SCFD1: variants seen among roughly 807,000 people sequenced by gnomAD.
The protein encoded by SCFD1 is sec1 family domain-containing protein 1.
SCFD1 carries 37 observed loss-of-function variants against 103.2 expected under a neutral mutation model. The observed-to-expected ratio is 0.36, with a 90% CI of 0.28 to 0.47. The LOEUF (loss-of-function observed/expected upper bound fraction) is 0.47, where lower values mean the gene tolerates loss of function less well. Among genes scored for constraint, SCFD1 ranks in the 20% least tolerant of loss-of-function variants. SCFD1 has a pLI of 1.00. For missense variants in SCFD1, 639 were observed against 761.2 expected (o/e 0.84, Z 1.89); for synonymous variants, 264 against 245.0 (o/e 1.08, Z -0.73).
At chr14:30,690,354 TG>T (rs1890164901) in intron 14 of SCFD1, among the ~76,000 whole-genome samples, 1 of 77,550 alleles carries the variant, frequency 1.3e-5, no homozygotes, top group Non-Finnish European at 2.1e-5. Context: ...TCGAGCTTCC[TG>T]GCTGCTTTGT....
At chr14:30,684,411 A>G (rs553795931) in intron 14 of SCFD1, among the ~76,000 whole-genome samples, 1 of 152,358 alleles carries the variant, frequency 6.6e-6, no homozygotes, top group South Asian at 2.1e-4. Flanking sequence ...CCTGTGGGCT[A>G]TAGCCAGTCA....
intron 3 of SCFD1, among the ~76,000 whole-genome samples, chr14:30,632,024 G>GGCAGCAGA (rs1224514250): frequency 2.2e-5 from 3 of 137,260 alleles, no homozygotes; most frequent in Admixed American, 7.7e-5. Flanking sequence ...CTCTGGCCTG[G>GGCAGCAGA]GCAGCAGAGC....
chr14:30,664,008 C>T (rs1242025031), intron 10 of SCFD1, among the ~76,000 whole-genome samples: 1 of 152,186 alleles, frequency 6.6e-6, no homozygotes, highest in African/African-American at 2.4e-5. Flanking sequence ...TGTCTGACAG[C>T]TCTGAAGAGA....
chr14:30,626,039 T>G (rs1883404867), intron 1 of SCFD1, among the ~76,000 whole-genome samples: 1 of 152,074 alleles, frequency 6.6e-6, no homozygotes, highest in Non-Finnish European at 1.5e-5. Flanking sequence ...GGTGTCTTTA[T>G]TGCCTGGAGG....
At chr14:30,718,616 AAAT>A (rs1318592803) in intron 20 of SCFD1, among the ~76,000 whole-genome samples, 1 of 152,234 alleles carries the variant, frequency 6.6e-6, no homozygotes, top group African/African-American at 2.4e-5. Flanking sequence ...TAGACCTGAT[AAAT>A]AATCTTGATT....
intron 2 of SCFD1, 144 bp from the exon 3 acceptor site, chr14:30,630,330 GATA>G (rs1439778438): frequency 9.3e-6 from 6 of 645,286 alleles, no homozygotes; most frequent in Admixed American, 2.8e-5. Flanking sequence ...GTTGTTCACT[GATA>G]ATGATGGAAA....
chr14:30,661,582 T>C (rs1010461566), intron 10 of SCFD1, among the ~76,000 whole-genome samples: 1 of 152,138 alleles, frequency 6.6e-6, no homozygotes, highest in Non-Finnish European at 1.5e-5. Context: ...TCCATGCTCT[T>C]TGAGGGTAGG....
intron 23 of SCFD1, among the ~76,000 whole-genome samples, chr14:30,731,367 G>GT (rs1893451077): frequency 6.6e-6 from 1 of 152,166 alleles, no homozygotes; most frequent in Non-Finnish European, 1.5e-5. Context: ...CTTTAAAGTA[G>GT]TTTTTTCCAA....
intron 3 of SCFD1, among the ~76,000 whole-genome samples, chr14:30,632,324 A>T (rs755204687): frequency 6.6e-6 from 1 of 152,150 alleles, no homozygotes; most frequent in African/African-American, 2.4e-5. Flanking sequence ...GCATTTGTTA[A>T]TAGACTGTTA....
intron 14 of SCFD1, among the ~76,000 whole-genome samples, chr14:30,677,827 CTTTTTTTTTTTTTTTTT>C (rs58942207): frequency 4.4e-5 from 3 of 67,516 alleles, no homozygotes; most frequent in Admixed American, 1.5e-4. Flanking sequence ...ACCTAAGCAC[CTTTTTTTTTTTTTTTTT>C]TTTTTTTTTT....
chr14:30,660,651 T>G (rs1887364411), intron 10 of SCFD1, among the ~76,000 whole-genome samples: 1 of 152,138 alleles, frequency 6.6e-6, no homozygotes, highest in Non-Finnish European at 1.5e-5. Context: ...TTAGGACAAA[T>G]GCTTGTCTTC....
At chr14:30,720,523 C>T (rs1013452575) in intron 21 of SCFD1, among the ~76,000 whole-genome samples, 2 of 152,142 alleles carry the variant, frequency 1.3e-5, no homozygotes, top group Admixed American at 6.6e-5. Context: ...GTGGGTTCCT[C>T]ATCCATGGGT....
At chr14:30,717,766 C>G (rs530471428) in intron 20 of SCFD1, among the ~76,000 whole-genome samples, 49 of 151,776 alleles carry the variant, frequency 3.2e-4, no homozygotes, top group Non-Finnish European at 6.0e-4. Flanking sequence ...CACCTGTAAT[C>G]CAAGCTACTC....
chr14:30,658,111 G>A (rs775807774), intron 10 of SCFD1: 4 of 455,330 alleles, frequency 8.8e-6, no homozygotes, highest in South Asian at 6.2e-5. Flanking sequence ...TTCAGCTGCA[G>A]AGCTGTGGAC....
intron 6 of SCFD1, among the ~76,000 whole-genome samples, chr14:30,642,875 A>G (rs904777580): frequency 6.6e-6 from 1 of 152,316 alleles, no homozygotes; most frequent in Admixed American, 6.5e-5. Context: ...ATTCATTTAA[A>G]AGAAGTTTAA....
intron 14 of SCFD1, among the ~76,000 whole-genome samples, chr14:30,681,426 T>A (rs945393922): frequency 1.3e-5 from 2 of 152,028 alleles, no homozygotes; most frequent in Non-Finnish European, 2.9e-5. Context: ...CATTTTAAAT[T>A]TTTTATATAG....
At chr14:30,624,052 A>G (rs931831432) in intron 1 of SCFD1, among the ~76,000 whole-genome samples, 1 of 152,180 alleles carries the variant, frequency 6.6e-6, no homozygotes. Flanking sequence ...GGAAAGTAAG[A>G]TAGAGGTAAA....
At chr14:30,646,752 G>A (rs1429511819) in intron 7 of SCFD1, among the ~76,000 whole-genome samples, 1 of 152,094 alleles carries the variant, frequency 6.6e-6, no homozygotes, top group Non-Finnish European at 1.5e-5. Context: ...CTGGTCCAGG[G>A]CTTTTTCTGG....
intron 15 of SCFD1, 25 bp from the exon 16 acceptor site, chr14:30,700,163 T>G (rs1054649370): frequency 4.8e-5 from 73 of 1,530,712 alleles, no homozygotes; most frequent in Non-Finnish European, 6.5e-5. Flanking sequence ...TGAAAATATT[T>G]TTTAACCTCT....
Sources: gnomAD v4.1 joint callset for allele counts (sites outside exome capture counted in the v4.1 genomes callset) on GRCh38, gnomAD v4.1.1 for gene constraint, MANE v1.5 for transcripts, NCBI Gene and HGNC (gene_info 2026-07-23, HGNC 2026-07-21) for gene names.